IL1RAPL1: variants seen among roughly 807,000 people sequenced by gnomAD.
IL1RAPL1 encodes interleukin-1 receptor accessory protein-like 1.
In IL1RAPL1, 3 loss-of-function variants were observed where a neutral mutation model predicts 48.4. That is an observed-to-expected ratio of 0.06 (90% CI 0.03 to 0.16). The LOEUF (loss-of-function observed/expected upper bound fraction) is 0.16. IL1RAPL1 is among the 10% of genes least tolerant of loss of function. The pLI is 1.00. For synonymous variants in IL1RAPL1, 185 were observed against 187.7 expected (o/e 0.99, Z 0.12); for missense variants, 349 against 530.6 (o/e 0.66, Z 3.36).
intron 2 of IL1RAPL1, among the ~76,000 whole-genome samples, chrX:29,123,902 A>G (rs1928848050): frequency 9.0e-6 from 1 of 110,837 alleles, no homozygotes; most frequent in Non-Finnish European, 1.9e-5. Flanking sequence ...GTAATATTTT[A>G]GATAGATTGT....
At chrX:29,658,325 G>T (rs756863142) in intron 5 of IL1RAPL1, among the ~76,000 whole-genome samples, 34 of 111,530 alleles carry the variant, frequency 3.0e-4, no homozygotes, top group Non-Finnish European at 6.0e-4. Context: ...GGTGAAAAAC[G>T]AATAGAGACC....
intron 1 of IL1RAPL1, among the ~76,000 whole-genome samples, chrX:28,624,961 A>G (rs934905105): frequency 8.9e-6 from 1 of 112,073 alleles, no homozygotes; most frequent in African/African-American, 3.2e-5. Context: ...GGAGCTTTGC[A>G]TAGTACTTTA....
At chrX:29,393,798 A>G (rs1933889035) in intron 3 of IL1RAPL1, among the ~76,000 whole-genome samples, 2 of 110,173 alleles carry the variant, frequency 1.8e-5, no homozygotes, top group South Asian at 7.8e-4. Context: ...AGCATATTTG[A>G]ATGTGCCCTA....
intron 6 of IL1RAPL1, among the ~76,000 whole-genome samples, chrX:29,798,910 T>A (rs1181118930): frequency 8.9e-6 from 1 of 112,509 alleles, no homozygotes; most frequent in African/African-American, 3.2e-5. Flanking sequence ...AAAATTGTTA[T>A]AAGCCTCCAG....
At chrX:28,860,162 C>A (rs1056407743) in intron 2 of IL1RAPL1, among the ~76,000 whole-genome samples, 2 of 111,339 alleles carry the variant, frequency 1.8e-5, no homozygotes, top group Admixed American at 1.9e-4. Context: ...AATTGTAATG[C>A]AGAAAAAAAT....
At chrX:28,801,791 G>A (rs908809450) in intron 2 of IL1RAPL1, among the ~76,000 whole-genome samples, 2 of 111,992 alleles carry the variant, frequency 1.8e-5, no homozygotes, top group Admixed American at 9.5e-5. Context: ...AGCTGCTAAC[G>A]AGCCTTGTTG....
At chrX:29,094,245 A>C (rs1928153081) in intron 2 of IL1RAPL1, among the ~76,000 whole-genome samples, 1 of 111,020 alleles carries the variant, frequency 9.0e-6, no homozygotes, top group African/African-American at 3.3e-5. Flanking sequence ...TCCCATATAA[A>C]TGTAGCTATT....
At chrX:28,701,770 G>A (rs1012504054) in intron 1 of IL1RAPL1, among the ~76,000 whole-genome samples, 19 of 111,172 alleles carry the variant, frequency 1.7e-4, no homozygotes, top group Admixed American at 6.7e-4. Context: ...ATGTGTCAAA[G>A]TCTAGTGATC....
intron 5 of IL1RAPL1, among the ~76,000 whole-genome samples, chrX:29,637,831 A>T (rs979001991): frequency 8.9e-6 from 1 of 112,111 alleles, no homozygotes; most frequent in Non-Finnish European, 1.9e-5. Context: ...TATTAAACAC[A>T]ATAGCAAAGG....
intron 5 of IL1RAPL1, among the ~76,000 whole-genome samples, chrX:29,526,831 T>A (rs182905106): frequency 5.4e-4 from 60 of 112,024 alleles, no homozygotes; most frequent in Middle Eastern, 4.6e-3. Flanking sequence ...AGATGCCACT[T>A]CTCTCTGAAT....
chrX:29,025,445 T>C (rs1926464598), intron 2 of IL1RAPL1, among the ~76,000 whole-genome samples: 1 of 111,585 alleles, frequency 9.0e-6, no homozygotes, highest in Non-Finnish European at 1.9e-5. Flanking sequence ...AGGGAGATCT[T>C]TGTAGATCTT....
At chrX:28,691,784 C>G (rs1053918107) in intron 1 of IL1RAPL1, among the ~76,000 whole-genome samples, 1 of 111,244 alleles carries the variant, frequency 9.0e-6, no homozygotes, top group Non-Finnish European at 1.9e-5. Context: ...TAATTTCTAC[C>G]TATAATTTTT....
chrX:29,580,656 C>T (rs1006288955), intron 5 of IL1RAPL1, among the ~76,000 whole-genome samples: 24 of 111,498 alleles, frequency 2.2e-4, no homozygotes, highest in African/African-American at 7.8e-4. Flanking sequence ...GGTTGAGTCT[C>T]GGTCTGTGTC....
chrX:28,845,894 A>T (rs1376737857), intron 2 of IL1RAPL1, among the ~76,000 whole-genome samples: 2 of 111,806 alleles, frequency 1.8e-5, no homozygotes, highest in East Asian at 5.7e-4. Context: ...TCCCCCACCA[A>T]AGTGGTGCCT....
chrX:29,809,604 T>C (rs1312802013), intron 6 of IL1RAPL1, among the ~76,000 whole-genome samples: 1 of 111,141 alleles, frequency 9.0e-6, no homozygotes, highest in Non-Finnish European at 1.9e-5. Context: ...GACGTTATCA[T>C]CATTTCTTTA....
intron 6 of IL1RAPL1, among the ~76,000 whole-genome samples, chrX:29,846,435 T>C (rs1265255475): frequency 9.0e-6 from 1 of 111,456 alleles, no homozygotes; most frequent in African/African-American, 3.3e-5. Flanking sequence ...ACTTGCAATA[T>C]GTGTGCCAAT....
intron 3 of IL1RAPL1, among the ~76,000 whole-genome samples, chrX:29,382,093 T>A (rs972956634): frequency 9.2e-6 from 1 of 109,135 alleles, no homozygotes; most frequent in Admixed American, 9.9e-5. Context: ...GTTTTGAGAG[T>A]GGGAATGATT....
chrX:29,770,741 G>A (rs1185524357), intron 6 of IL1RAPL1, among the ~76,000 whole-genome samples: 1 of 112,246 alleles, frequency 8.9e-6, no homozygotes, highest in African/African-American at 3.2e-5. Context: ...AACTTTAAAT[G>A]CATTCATGTA....
intron 8 of IL1RAPL1, among the ~76,000 whole-genome samples, chrX:29,930,525 G>A (rs1269314404): frequency 8.9e-6 from 1 of 111,844 alleles, no homozygotes; most frequent in East Asian, 2.8e-4. Flanking sequence ...AAATAATTTA[G>A]TGAAGTATTA....
Sources: gnomAD v4.1 joint callset for allele counts (sites outside exome capture counted in the v4.1 genomes callset) on GRCh38, gnomAD v4.1.1 for gene constraint, MANE v1.5 for transcripts, NCBI Gene and HGNC (gene_info 2026-07-23, HGNC 2026-07-21) for gene names.